INSRR: variants seen among roughly 807,000 people sequenced by gnomAD.
INSRR encodes the protein insulin receptor related receptor, also known as insulin receptor-related protein.
Under a neutral mutation model 130.0 loss-of-function variants are expected in INSRR, and 114 were observed. The observed-to-expected ratio is 0.88, with a 90% CI of 0.75 to 1.02. The LOEUF (loss-of-function observed/expected upper bound fraction) is 1.02, where lower values mean the gene tolerates loss of function less well. Among genes scored for constraint, INSRR ranks in the 50% least tolerant of loss-of-function variants. The probability of loss-of-function intolerance (pLI) is 0.00; values close to 1 mark genes in which losing one functional copy is unlikely to be tolerated. For synonymous variants in INSRR, 674 were observed against 705.2 expected, an observed-to-expected ratio of 0.96 and a Z score of 0.70; for missense variants, 1,657 against 1,735.2, an observed-to-expected ratio of 0.95 and a Z score of 0.80.
rs140893533 is a variant in INSRR, at chr1:156,853,900, G to T, written c.489C>A (p.Gly163=). 6.2e-6 allele frequency: 10 copies of T among 1,614,116 alleles called. No homozygotes were observed. The highest frequency in any genetic ancestry group is 8.5e-6 in the Non-Finnish European group (10 of 1,180,026). The change falls in exon 2 of 22, where the codon GGC becomes GGA. Residue 163 remains glycine (G), a synonymous_variant. Coordinates refer to ENST00000368195, the MANE Select transcript of INSRR (RefSeq NM_014215.3). ...GCTTGTTGCCCACGATGTGGTTGGC[G>T]CCAGGTGCTGGCTGCAGCAGTCCCC... ...IDWGLLQPAP[G]ANHIVGNKLG...
chr1:156,845,869 C>T, intron 9 of INSRR, 55 bp from the exon 10 acceptor site: 5 of 1,597,738 alleles, frequency 3.1e-6, no homozygotes, highest in Non-Finnish European at 4.3e-6. Context: ...CGCCTCTGAT[C>T]CCCCCCACCT....
intron 5 of INSRR, among the ~76,000 whole-genome samples, chr1:156,849,916 CTTT>C (rs56654147): frequency 1.4e-5 from 2 of 146,248 alleles, no homozygotes; most frequent in African/African-American, 5.0e-5. Flanking sequence ...TAGATGGTAA[CTTT>C]TTTTTTTTTT....
At chr1:156,842,055 C>T (rs780805763) in intron 19 of INSRR, 57 bp downstream of exon 19, 2 of 1,607,448 alleles carry the variant, frequency 1.2e-6, no homozygotes, top group South Asian at 2.2e-5. Flanking sequence ...TGATGCCTAG[C>T]TTAAGGGAGT....
chr1:156,849,476 G>T lies in INSRR; in HGVS notation c.1230-16C>A. The T allele has an allele frequency of 6.4e-7, 1 of 1,571,884 alleles. No individual in the cohort carries two copies. ...AGTGTAGTTCCTGGGGGAGGCCAGGGGACCTTGCTCTGCGGGGAGGTGGGG... is the reference window on the plus strand; with the variant it reads ...AGTGTAGTTCCTGGGGGAGGCCAGGTGACCTTGCTCTGCGGGGAGGTGGGG... On this transcript the variant is annotated splice_polypyrimidine_tract_variant and intron_variant, in intron 5 of 21. Coordinates refer to ENST00000368195, the MANE Select transcript of INSRR (RefSeq NM_014215.3).
Position 156,842,493 on chromosome 1 carries a change from C to A in INSRR, c.3142G>T (p.Val1048Leu). The A allele has an allele frequency of 3.1e-6, 5 of 1,614,066 alleles. No homozygotes were observed. Among genetic ancestry groups the A allele is most frequent in the Non-Finnish European group, 4.2e-6 (5 of 1,179,936 alleles). The change falls in exon 18 of 22, where the codon GTG becomes TTG. Residue 1048 changes from valine (V) to leucine (L), a missense_variant. Val to Leu is a conservative substitution (Grantham distance 32). Transcript: ENST00000368195. ...KCHHVVRLLG[V>L]VSQGQPTLVI... The stretch of plus-strand genomic sequence containing the variant: ...AGAGTTGGCTGGCCCTGAGATACCA[C>A]ACCCAGGAGACGCACCTGGGACAGA...
rs1558082840 is a variant in INSRR, at chr1:156,841,381, G to A, written c.3662+13C>T. 1.2e-6 allele frequency: 2 copies of A among 1,612,942 alleles called. No homozygotes were observed. Among genetic ancestry groups the A allele is most frequent in the Non-Finnish European group, 1.7e-6 (2 of 1,179,134 alleles). ...AGATCAACAATGAGGAAGGGGCAGG[G>A]GAGGTGACTCACAGCTGAAGGGGAC... On this transcript the variant is annotated intron_variant, in intron 21 of 21. Coordinates refer to ENST00000368195, the MANE Select transcript of INSRR (RefSeq NM_014215.3).
In INSRR at chr1:156,853,052, A is replaced by G. The variant is rs190073461; in HGVS notation, c.637+700T>C. Among the ~76,000 whole-genome samples the G allele has an allele frequency of 1.9e-3, 289 of 152,036 alleles. 2 individuals are homozygous for G. The highest frequency in any genetic ancestry group is 3.4e-3 in the Middle Eastern group (1 of 294). On this transcript the variant is annotated intron_variant, in intron 2 of 21. Coordinates refer to ENST00000368195, the MANE Select transcript of INSRR (RefSeq NM_014215.3). ...CGTTTTGCTTACTCCTGCACCAGCC[A>G]TCCCTTTTCTTTCCTCCTTTCTCCT...
In INSRR at chr1:156,840,898, G is replaced by A. The variant is rs1454943565; in HGVS notation, c.3869C>T (p.Pro1290Leu). 1.9e-6 allele frequency: 3 copies of A among 1,613,860 alleles called. No homozygotes were observed. Among genetic ancestry groups the A allele is most frequent in the Middle Eastern group, 1.7e-4 (1 of 6,012 alleles). ...DSSPTPRDCS[P>L]QNGGPGH ...TCAGTGCCCTGGACCCCCATTTTGA[G>A]GGCTGCAGTCTCTTGGAGTGGGTGA... Residue 1290 changes from proline (P) to leucine (L), a missense_variant, in exon 22 of 22, where the codon CCT (proline) becomes CTT (leucine). By Grantham distance (98) the Pro-to-Leu change is moderately conservative. Transcript: ENST00000368195.
In INSRR at chr1:156,851,552, G is replaced by A. The variant is rs1049447457; in HGVS notation, c.1084+94C>T. Reference sequence around the variant, plus strand: ...CCTCAGGACTGGGACCCAGGATGATGGAAAATTGTGCTGAGTTGGGTCATT... The same window carrying A: ...CCTCAGGACTGGGACCCAGGATGATAGAAAATTGTGCTGAGTTGGGTCATT... On this transcript the variant is annotated intron_variant, in intron 4 of 21. Transcript: ENST00000368195. 5 of 1,607,578 alleles carry A rather than the reference G, an allele frequency of 3.1e-6. No homozygotes were observed. In the East Asian group the frequency reaches 1.1e-4, roughly 36 times the overall value.
chr1:156,854,398 G>A lies in INSRR; in HGVS notation c.86-95C>T, dbSNP rs1364793877. ...TTGGAGGGGAGCCACACTGGCAGTA[G>A]GACAATGAGTGAGGAGCCGGGCTCT... On this transcript the variant is annotated intron_variant, in intron 1 of 21. Transcript: ENST00000368195. This position sits in a 1 kb window ranked among gnomAD's most constrained non-coding sequence, Gnocchi z 4.2. 3.1e-5 allele frequency: 39 copies of A among 1,274,130 alleles called. No individual in the cohort carries two copies. The highest frequency in any genetic ancestry group is 4.1e-5 in the Non-Finnish European group (38 of 933,198). The allele number at this position is 1,274,130 out of a possible 1,614,324, so 78.9% of individuals were successfully genotyped here.
At position 156,844,779 on chromosome 1, in the gene INSRR, C is replaced by T; in HGVS notation, c.2502G>A (p.Leu834=). 2 of 1,614,146 alleles carry T rather than the reference C, an allele frequency of 1.2e-6. No individual in the cohort carries two copies. The highest frequency in any genetic ancestry group is 1.1e-5 in the South Asian group (1 of 91,084). Residue 834 remains leucine, a synonymous_variant, in exon 13 of 22, where the codon CTG becomes CTA. Coordinates refer to ENST00000368195, the MANE Select transcript of INSRR (RefSeq NM_014215.3). ...WEASSKNSVL[L]RWLEPPDPNG... ...TGGGGTCTGGTGGCTCGAGCCAGCG[C>T]AGAAGGACACTGTTCTTGCTGGAGG...
rs1430511555 is a variant in INSRR at position 156,845,141 on chromosome 1, T to A, written c.2372A>T (p.Asn791Ile). 1 of 1,611,996 alleles carries A rather than the reference T, an allele frequency of 6.2e-7. No homozygotes were observed. Among genetic ancestry groups the A allele is most frequent in the African/African-American group, 1.3e-5 (1 of 74,916 alleles). The change falls in exon 12 of 22, where the codon AAC becomes ATC. Residue 791 changes from asparagine to isoleucine, a missense_variant. Asn to Ile is a moderately radical substitution (Grantham distance 149). Coordinates refer to ENST00000368195, the MANE Select transcript of INSRR (RefSeq NM_014215.3). ...TEYRIDIHAC[N>I]HAAHTVGCSA... ...GCAGCCCACGGTGTGCGCCGCGTGG[T>A]TGCAGGCATGGATGTCGATCCGGTA...
At chr1:156,845,859 C>T (rs1348868364) in intron 9 of INSRR, 45 bp from the exon 10 acceptor site, 2 of 1,601,246 alleles carry the variant, frequency 1.2e-6, no homozygotes, top group Non-Finnish European at 1.7e-6. Context: ...GCGGTCTACC[C>T]GCCTCTGATC....
Position 156,849,063 on chromosome 1 carries a change from G to A in INSRR, c.1445-16C>T. ...CGAGTCTGGCCTGGGTGGGGCGAGG[G>A]GCCTGCTCGCAACCGCGCCTGCCAG... On this transcript the variant is annotated splice_polypyrimidine_tract_variant and intron_variant, in intron 6 of 21. Coordinates refer to ENST00000368195, the MANE Select transcript of INSRR (RefSeq NM_014215.3). 2 of 1,609,596 alleles carry A rather than the reference G, an allele frequency of 1.2e-6. No homozygotes were observed. The highest frequency in any genetic ancestry group is 1.7e-6 in the Non-Finnish European group (2 of 1,178,160).
In INSRR at chr1:156,840,845, G is replaced by T; in HGVS notation, c.*28C>A. The T allele has an allele frequency of 6.4e-7, 1 of 1,562,734 alleles. No homozygotes were observed. The highest frequency in any genetic ancestry group is 1.1e-5 in the South Asian group (1 of 88,870). On this transcript the variant is annotated 3_prime_UTR_variant, in exon 22 of 22. Transcript: ENST00000368195. ...TCGGGTCCCTTCCTGTCTCCCCATG[G>T]GAGGCCAGCCAGGGAATGAGGTGCC...
At chr1:156,849,601 C>T (rs990010983) in intron 5 of INSRR, 141 bp from the exon 6 acceptor site, 42 of 642,774 alleles carry the variant, frequency 6.5e-5, no homozygotes, top group Middle Eastern at 4.1e-4. Flanking sequence ...ACCAGCACAC[C>T]GGGGGCATTC....
intron 14 of INSRR, 83 bp from the exon 15 acceptor site, chr1:156,844,363 G>A (rs1377460939): frequency 6.4e-7 from 1 of 1,553,560 alleles, no homozygotes; most frequent in Non-Finnish European, 8.8e-7. Flanking sequence ...CATGCTGGGA[G>A]GTGAGGATGG....
rs759870796 is a variant in INSRR at position 156,844,216 on chromosome 1, G to A, written c.2802C>T (p.Leu934=). ...LTATPVGLTL[L]IVLAALGFFY... The stretch of plus-strand genomic sequence containing the variant: ...AGAAACCAAGGGCAGCAAGAACGAT[G>A]AGCAGCGTGAGCCCCACAGGGGTGG... The change falls in exon 15 of 22, where the codon CTC becomes CTT. Residue 934 remains leucine (L), a synonymous_variant. Transcript: ENST00000368195. The A allele has an allele frequency of 5.0e-6, 8 of 1,613,870 alleles. No individual in the cohort carries two copies. The highest frequency in any genetic ancestry group is 2.2e-5 in the East Asian group (1 of 44,898).
rs1655353195 is a variant in INSRR at position 156,854,874 on chromosome 1, AC to A, written c.86-572del. The stretch of plus-strand genomic sequence containing the variant: ...GGATCACGTTTCTCCTCTGCTTATA[AC>A]CCCCCGTGACTTCCATCTCTCTTGA... On this transcript the variant is annotated intron_variant, in intron 1 of 21. Coordinates refer to ENST00000368195, the MANE Select transcript of INSRR (RefSeq NM_014215.3). This position sits in a 1 kb window ranked among gnomAD's most constrained non-coding sequence, Gnocchi z 4.2. Among the ~76,000 whole-genome samples the A allele has an allele frequency of 6.6e-6, 1 of 151,224 alleles. No homozygotes were observed. Among genetic ancestry groups the A allele is most frequent in the African/African-American group, 2.4e-5 (1 of 41,044 alleles).
Sources: gnomAD v4.1 joint callset for allele counts (sites outside exome capture counted in the v4.1 genomes callset) on GRCh38, gnomAD v4.1.1 for gene constraint, Gnocchi (gnomAD v3.1) non-coding constraint, MANE v1.5 for transcripts, NCBI Gene and HGNC (gene_info 2026-07-23, HGNC 2026-07-21) for gene names.